The following OSBPL10 variants were observed in gnomAD, a reference collection of about 807,000 sequenced individuals.
The protein encoded by OSBPL10 is oxysterol-binding protein-related protein 10.
A neutral mutation model predicts 81.7 loss-of-function variants in OSBPL10; 49 were observed. The ratio of observed to expected loss-of-function variants is 0.60; its 90% CI spans 0.48 to 0.76. The LOEUF (loss-of-function observed/expected upper bound fraction) is 0.76, where lower values mean the gene tolerates loss of function less well. OSBPL10 is among the 30% of genes least tolerant of loss of function. OSBPL10 has a pLI of 0.00. For synonymous variants in OSBPL10, 419 were observed against 383.6 expected, an observed-to-expected ratio of 1.09 and a Z score of -1.08; for missense variants, 923 against 987.8, an observed-to-expected ratio of 0.93 and a Z score of 0.88.
At chr3:31,958,841 C>T (rs1290195044) in intron 1 of OSBPL10, among the ~76,000 whole-genome samples, 1 of 152,172 alleles carries the variant, frequency 6.6e-6, no homozygotes, top group Non-Finnish European at 1.5e-5. Context: ...TACATATTGC[C>T]TAGGGCTGCT....
intron 7 of OSBPL10, among the ~76,000 whole-genome samples, chr3:31,695,708 T>C (rs1010492036): frequency 6.6e-6 from 1 of 152,210 alleles, no homozygotes; most frequent in African/African-American, 2.4e-5. Flanking sequence ...AAACCTTAAG[T>C]GGCCCCCTGG....
chr3:31,664,463 T>C, intron 10 of OSBPL10: 1 of 585,544 alleles, frequency 1.7e-6, no homozygotes, highest in East Asian at 2.8e-5. Context: ...CATGCCTTTC[T>C]CAGGGCCCGG....
chr3:31,975,116 G>A (rs1698657571), intron 1 of OSBPL10, among the ~76,000 whole-genome samples: 1 of 152,170 alleles, frequency 6.6e-6, no homozygotes, highest in Non-Finnish European at 1.5e-5. Context: ...TAGTTAATAC[G>A]AAGCAGGTGC....
intron 1 of OSBPL10, among the ~76,000 whole-genome samples, chr3:31,913,630 A>G (rs1696657638): frequency 6.6e-6 from 1 of 152,356 alleles, no homozygotes; most frequent in East Asian, 1.9e-4. Flanking sequence ...AATTCAGGCT[A>G]CCTTAGACTA....
intron 6 of OSBPL10, among the ~76,000 whole-genome samples, chr3:31,722,337 G>C (rs1696671105): frequency 6.6e-6 from 1 of 152,136 alleles, no homozygotes; most frequent in African/African-American, 2.4e-5. Context: ...ATAAGCCCTA[G>C]TCAGTGACCA....
At chr3:32,017,077 C>G (rs77581703) in intron 2 of OSBPL10, among the ~76,000 whole-genome samples, 3,144 of 152,236 alleles carry the variant, frequency 0.021, 105 homozygotes, top group East Asian at 0.15. Context: ...TTTAAGAGAT[C>G]TGAACTTCCA....
upstream of OSBPL10, among the ~76,000 whole-genome samples, chr3:31,984,206 A>AT (rs1051211000): frequency 2.6e-5 from 4 of 151,752 alleles, no homozygotes; most frequent in African/African-American, 9.7e-5. Flanking sequence ...TGCCCAGCTA[A>AT]TTTTTTTGTA....
At chr3:31,863,419 T>A (rs1412455742) in intron 3 of OSBPL10, among the ~76,000 whole-genome samples, 1 of 152,188 alleles carries the variant, frequency 6.6e-6, no homozygotes, top group East Asian at 1.9e-4. Context: ...TTTAAAAAAG[T>A]AAACTTTATG....
intron 6 of OSBPL10, among the ~76,000 whole-genome samples, chr3:31,719,947 A>G (rs1440159058): frequency 6.6e-6 from 1 of 151,700 alleles, no homozygotes; most frequent in Non-Finnish European, 1.5e-5. Flanking sequence ...ACGTACTGAC[A>G]AGGGAAGATA....
intron 3 of OSBPL10, among the ~76,000 whole-genome samples, chr3:31,860,141 T>C (rs1001463939): frequency 2.0e-5 from 3 of 152,042 alleles, no homozygotes; most frequent in Admixed American, 6.5e-5. Context: ...TTTCTTTCCC[T>C]GTGCCCTAAA....
chr3:32,076,561 C>CT (rs1699879484), intron 1 of OSBPL10, among the ~76,000 whole-genome samples: 1 of 152,046 alleles, frequency 6.6e-6, no homozygotes, highest in African/African-American at 2.4e-5. Context: ...GCCTGACAAA[C>CT]TTTTTTAACT....
chr3:31,861,243 G>T (rs1701051204), intron 3 of OSBPL10, among the ~76,000 whole-genome samples: 1 of 152,102 alleles, frequency 6.6e-6, no homozygotes, highest in Non-Finnish European at 1.5e-5. Context: ...GTCCATGGGG[G>T]ATTAGTTCCA....
At chr3:31,971,843 C>A (rs1352435936) in intron 1 of OSBPL10, among the ~76,000 whole-genome samples, 2 of 152,096 alleles carry the variant, frequency 1.3e-5, no homozygotes, top group East Asian at 3.8e-4. Flanking sequence ...ACTGTATAGC[C>A]CACAAAGTCT....
intron 4 of OSBPL10, among the ~76,000 whole-genome samples, chr3:31,770,312 C>T (rs181608942): frequency 1.3e-4 from 20 of 152,272 alleles, no homozygotes; most frequent in Admixed American, 1.2e-3. Flanking sequence ...ATATCATTCC[C>T]CATCAACAAT....
chr3:31,674,556 T>C (rs1700406653), intron 8 of OSBPL10, among the ~76,000 whole-genome samples: 1 of 151,608 alleles, frequency 6.6e-6, no homozygotes, highest in African/African-American at 2.4e-5. Context: ...TGAGACCCTG[T>C]CTCAAATAGA....
intron 3 of OSBPL10, among the ~76,000 whole-genome samples, chr3:31,831,202 T>C (rs1048663369): frequency 6.6e-6 from 1 of 150,430 alleles, no homozygotes; most frequent in South Asian, 2.1e-4. Context: ...AGGTCAGGAG[T>C]TCAAGACCAG....
chr3:31,924,203 T>G, intron 1 of OSBPL10, among the ~76,000 whole-genome samples: 1 of 138,830 alleles, frequency 7.2e-6, no homozygotes, highest in Middle Eastern at 3.7e-3. Flanking sequence ...CAGGTGACAG[T>G]GCAAGACTTC....
Position 32,065,999 on chromosome 3 carries a change from GAA to G in OSBPL10, n.185+11395_185+11396del, listed in dbSNP as rs1233738538. 1.1e-3 allele frequency among the ~76,000 whole-genome samples: 63 copies of G among 59,008 alleles called. 11 individuals are homozygous for G. Among genetic ancestry groups the G allele is most frequent in the East Asian group, 3.8e-3 (3 of 798 alleles). 38.7% of individuals were successfully genotyped at this position (59,008 alleles called of 152,430 possible). A position where few individuals can be genotyped will look rare whatever the true frequency, so the allele number is the denominator to read the frequency against. ...AGAAAGAAAGAAAGAAAGAAAGAAA[GAA>G]AGAAAGAGAAAGAAAGAAAGAAAGA... On this transcript the variant is annotated intron_variant and non_coding_transcript_variant, in intron 1 of 3. Coordinates refer to the OSBPL10 transcript ENST00000479173.
chr3:31,886,042 T>TG (rs1695728923), intron 1 of OSBPL10, among the ~76,000 whole-genome samples: 2 of 75,638 alleles, frequency 2.6e-5, no homozygotes, highest in Non-Finnish European at 5.4e-5. Context: ...GAGAAGGAGA[T>TG]GGGGGGTGGG....
Sources: allele counts gnomAD v4.1 joint callset (sites outside exome capture counted in the v4.1 genomes callset), GRCh38; gene constraint gnomAD v4.1.1; transcripts MANE v1.5; gene names NCBI Gene and HGNC (gene_info 2026-07-23, HGNC 2026-07-21).